The following MPP2 variants were observed in gnomAD, a reference collection of about 807,000 sequenced individuals.
MPP2 encodes MAGUK p55 scaffold protein 2.
A neutral mutation model predicts 58.5 loss-of-function variants in MPP2; 42 were observed. The observed-to-expected ratio is 0.72, with a 90% CI of 0.56 to 0.93. The LOEUF (loss-of-function observed/expected upper bound fraction) is 0.93, where lower values mean the gene tolerates loss of function less well. Among genes scored for constraint, MPP2 ranks in the 40% least tolerant of loss-of-function variants. The pLI is 0.00. For synonymous variants in MPP2, 300 were observed against 307.8 expected (o/e 0.97, Z 0.26); for missense variants, 632 against 760.4 (o/e 0.83, Z 1.99).
In MPP2 at chr17:43,877,263, A is replaced by C. The variant is rs2046886417; in HGVS notation, c.*544T>G. ...CTCACTCTGACTCCTCCAGCCTTCA[A>C]GATGGCACCAGGCTGGCACCACCAC... On this transcript the variant is annotated 3_prime_UTR_variant, in exon 13 of 13. Coordinates refer to ENST00000269095, the MANE Select transcript of MPP2 (RefSeq NM_005374.5). The C allele has an allele frequency of 6.5e-6, 1 of 153,198 alleles. No homozygotes were observed. 9.5% of individuals were successfully genotyped at this position (153,198 alleles called of 1,614,324 possible).
intron 2 of MPP2, among the ~76,000 whole-genome samples, chr17:43,899,327 C>T (rs1431416298): frequency 6.6e-6 from 1 of 152,176 alleles, no homozygotes; most frequent in African/African-American, 2.4e-5. Context: ...AGGGCTCAGC[C>T]ACCTGTACCT....
At chr17:43,893,029 T>C (rs28717710) in intron 3 of MPP2, among the ~76,000 whole-genome samples, 5,479 of 148,778 alleles carry the variant, frequency 0.037, 317 homozygotes, top group African/African-American at 0.13. Context: ...GATGGATGGA[T>C]GGATGGACAA....
chr17:43,890,436 TTC>T, intron 3 of MPP2, among the ~76,000 whole-genome samples: 1 of 152,266 alleles, frequency 6.6e-6, no homozygotes, highest in East Asian at 1.9e-4. Flanking sequence ...CTGCACTCTG[TTC>T]TGTTTGCTCC....
chr17:43,896,150 C>T (rs2047837504), intron 3 of MPP2, among the ~76,000 whole-genome samples: 1 of 152,110 alleles, frequency 6.6e-6, no homozygotes, highest in African/African-American at 2.4e-5. Flanking sequence ...TACCTTCTTT[C>T]TCCCTACCCT....
At position 43,881,267 on chromosome 17, in the gene MPP2, T is replaced by A. The variant is rs779210820; in HGVS notation, c.896A>T (p.Asp299Val). 2 of 1,613,808 alleles carry A rather than the reference T, an allele frequency of 1.2e-6. No homozygotes were observed. The highest frequency in any genetic ancestry group is 2.2e-5 in the South Asian group (2 of 91,062). ...ACCTGAGTTTGGTGTCAGCTCCAGG[T>A]CCCTCTTGACAAATGCTTTCCGCTT... The part of the protein sequence containing the change: ...EEKRKAFVKR[D>V]LELTPNSGTL... The change falls in exon 8 of 13, where the codon GAC becomes GTC. Residue 299 changes from aspartate to valine, a missense_variant. Coordinates refer to ENST00000269095, the MANE Select transcript of MPP2 (RefSeq NM_005374.5).
intron 3 of MPP2, among the ~76,000 whole-genome samples, chr17:43,887,985 A>C (rs981131749): frequency 1.2e-4 from 19 of 152,176 alleles, no homozygotes; most frequent in Non-Finnish European, 5.9e-5. Flanking sequence ...ATGAAACAAG[A>C]TTATGCATGA....
chr17:43,896,688 C>T (rs975505556), intron 3 of MPP2, among the ~76,000 whole-genome samples: 1 of 152,154 alleles, frequency 6.6e-6, no homozygotes, highest in African/African-American at 2.4e-5. Context: ...TCACCCCCAC[C>T]CTGGGAAATC....
At chr17:43,882,180 C>T in intron 6 of MPP2, 104 bp downstream of exon 6, 1 of 1,149,244 alleles carries the variant, frequency 8.7e-7, no homozygotes, top group Non-Finnish European at 1.2e-6. Context: ...CCCCATCTTC[C>T]CTGGAGGAAA....
At chr17:43,883,467 C>T in intron 3 of MPP2, 112 bp from the exon 4 acceptor site, 3 of 1,236,622 alleles carry the variant, frequency 2.4e-6, no homozygotes, top group Non-Finnish European at 3.3e-6. Flanking sequence ...CCCCCCAGCC[C>T]CCAGCTTCAG....
At chr17:43,888,111 A>G (rs1037902730) in intron 3 of MPP2, among the ~76,000 whole-genome samples, 5 of 152,204 alleles carry the variant, frequency 3.3e-5, no homozygotes, top group African/African-American at 1.2e-4. Context: ...GTAATACTTC[A>G]TAAGACTGCT....
chr17:43,904,309 G>T, intron 2 of MPP2, 121 bp downstream of exon 2: 1 of 842,074 alleles, frequency 1.2e-6, no homozygotes, highest in Non-Finnish European at 2.0e-6. Flanking sequence ...CTGAGTGGTA[G>T]GGTGGACAGC....
chr17:43,906,055 C>T, intron 1 of MPP2: 2 of 978,832 alleles, frequency 2.0e-6, no homozygotes, highest in Non-Finnish European at 2.4e-6. Flanking sequence ...GGATCCCTTC[C>T]CTCCCCCTCC....
chr17:43,879,215 C>A lies in MPP2; in HGVS notation c.1482+60G>T. On this transcript the variant is annotated intron_variant, in intron 12 of 12. Transcript: ENST00000269095. This position sits in a 1 kb window ranked among gnomAD's most constrained non-coding sequence, Gnocchi z 4.1. ...ACCTCCTTCTCTCTGTCAGCTCAGG[C>A]CTGTCCCCCACCACCCTAGGCAGCT... 1 of 1,565,832 alleles carries A rather than the reference C, an allele frequency of 6.4e-7. No homozygotes were observed. The highest frequency in any genetic ancestry group is 1.2e-5 in the South Asian group (1 of 84,378).
At chr17:43,908,692 G>C (rs948173045), upstream of MPP2, among the ~76,000 whole-genome samples, 6 of 152,222 alleles carry the variant, frequency 3.9e-5, no homozygotes, top group African/African-American at 1.4e-4. Flanking sequence ...CTGGGCAACA[G>C]AGTGAGACCC....
At chr17:43,884,573 T>G (rs2047284937) in intron 3 of MPP2, among the ~76,000 whole-genome samples, 1 of 152,204 alleles carries the variant, frequency 6.6e-6, no homozygotes, top group Non-Finnish European at 1.5e-5. Flanking sequence ...CCACTAGATT[T>G]AGTTGATTGT....
At chr17:43,894,126 AAT>A (rs2047720143) in intron 3 of MPP2, among the ~76,000 whole-genome samples, 1 of 150,688 alleles carries the variant, frequency 6.6e-6, no homozygotes, top group African/African-American at 2.4e-5. Flanking sequence ...AAAAAAAAAA[AAT>A]ACAAAAATGG....
chr17:43,904,356 G>C, intron 2 of MPP2, 74 bp downstream of exon 2: 1 of 1,446,218 alleles, frequency 6.9e-7, no homozygotes, highest in Non-Finnish European at 9.7e-7. Flanking sequence ...AGCTGTGCAA[G>C]TGCCCACCCC....
At chr17:43,889,805 G>GTTTT (rs869131021) in intron 3 of MPP2, among the ~76,000 whole-genome samples, 1,808 of 37,744 alleles carry the variant, frequency 0.048, 285 homozygotes, top group African/African-American at 0.12. Flanking sequence ...GTCCAAATGC[G>GTTTT]TTTTTTTTTT....
intron 1 of MPP2, chr17:43,906,246 G>A (rs1433341205): frequency 7.8e-6 from 5 of 643,716 alleles, no homozygotes; most frequent in African/African-American, 6.0e-5. Flanking sequence ...TTCTCCCGGG[G>A]AATCGGTTCC....
Sources: allele counts gnomAD v4.1 joint callset (sites outside exome capture counted in the v4.1 genomes callset), GRCh38; gene constraint gnomAD v4.1.1; non-coding constraint Gnocchi (gnomAD v3.1); transcripts MANE v1.5; gene names NCBI Gene and HGNC (gene_info 2026-07-23, HGNC 2026-07-21).